The following SERGEF variants were observed in gnomAD, a reference collection of about 807,000 sequenced individuals.
The protein encoded by SERGEF is secretion regulating guanine nucleotide exchange factor, also known as secretion-regulating guanine nucleotide exchange factor.
SERGEF carries 51 observed loss-of-function variants against 50.0 expected under a neutral mutation model. The ratio of observed to expected loss-of-function variants is 1.02; its 90% CI spans 0.81 to 1.29. The LOEUF is 1.29. SERGEF is among the 50% of genes most tolerant of loss of function. The pLI, the probability that SERGEF is intolerant of heterozygous loss-of-function variation, is 0.00. For missense variants in SERGEF, 521 were observed against 557.0 expected (o/e 0.94, Z 0.65); for synonymous variants, 205 against 212.4 (o/e 0.97, Z 0.30).
chr11:17,815,070 C>A (rs1389576487), intron 10 of SERGEF, among the ~76,000 whole-genome samples: 1 of 152,118 alleles, frequency 6.6e-6, no homozygotes, highest in Non-Finnish European at 1.5e-5. Flanking sequence ...GCCTGTAGTT[C>A]TAGCTACTTG....
chr11:17,896,063 CTAAT>C (rs1276801227), intron 9 of SERGEF, among the ~76,000 whole-genome samples: 3 of 152,146 alleles, frequency 2.0e-5, no homozygotes, highest in Non-Finnish European at 4.4e-5. Context: ...CTTAACATCT[CTAAT>C]TATTTCCTTG....
At chr11:17,982,478 T>C (rs1853513761) in intron 8 of SERGEF, among the ~76,000 whole-genome samples, 1 of 152,212 alleles carries the variant, frequency 6.6e-6, no homozygotes, top group South Asian at 2.1e-4. Flanking sequence ...CTCATGGGGT[T>C]TTCAAAATTC....
chr11:17,973,284 C>T (rs1022133315), intron 8 of SERGEF, among the ~76,000 whole-genome samples: 21 of 152,214 alleles, frequency 1.4e-4, no homozygotes, highest in Non-Finnish European at 3.1e-4. Context: ...GGATCAGGGA[C>T]AGACAGAACA....
Position 17,969,702 on chromosome 11 carries a change from C to T in SERGEF, c.845-10066G>A, listed in dbSNP as rs145729773. 4.1e-3 allele frequency among the ~76,000 whole-genome samples: 621 copies of T among 152,278 alleles called. 4 individuals carry two copies. The highest frequency in any genetic ancestry group is 0.011 in the African/African-American group (442 of 41,538). On this transcript the variant is annotated intron_variant, in intron 8 of 10. Transcript: ENST00000265965. Reference sequence around the variant, plus strand: ...GCTTCCCAGTAGACTCTGTCTGCTGCCTGGTGGGGACAGGAAAGAAGGACA... The same window carrying T: ...GCTTCCCAGTAGACTCTGTCTGCTGTCTGGTGGGGACAGGAAAGAAGGACA...
intron 9 of SERGEF, among the ~76,000 whole-genome samples, chr11:17,929,774 T>C (rs1054972462): frequency 6.6e-6 from 1 of 152,190 alleles, no homozygotes; most frequent in African/African-American, 2.4e-5. Flanking sequence ...ATGTTTCCTC[T>C]TCCAAGAGGT....
chr11:17,857,524 C>A (rs963149521), intron 10 of SERGEF, among the ~76,000 whole-genome samples: 3 of 152,194 alleles, frequency 2.0e-5, no homozygotes, highest in Admixed American at 2.0e-4. Context: ...TATTTTTCCC[C>A]CTTCTTGCTA....
At chr11:17,886,665 T>G (rs1345862087) in intron 9 of SERGEF, among the ~76,000 whole-genome samples, 1 of 152,142 alleles carries the variant, frequency 6.6e-6, no homozygotes, top group Non-Finnish European at 1.5e-5. Flanking sequence ...TATAAACAGT[T>G]CATTTCCTTT....
chr11:17,951,915 C>A (rs976045174), intron 9 of SERGEF, among the ~76,000 whole-genome samples: 4 of 152,182 alleles, frequency 2.6e-5, no homozygotes, highest in African/African-American at 9.7e-5. Context: ...CCTGACAGTG[C>A]TGGAAGAACC....
At chr11:17,985,967 G>A (rs1043135563) in intron 8 of SERGEF, among the ~76,000 whole-genome samples, 15 of 152,134 alleles carry the variant, frequency 9.9e-5, no homozygotes, top group African/African-American at 2.9e-4. Context: ...CCCATTAGAC[G>A]CCAATAGTGT....
chr11:17,882,810 G>A (rs765349945), intron 9 of SERGEF, among the ~76,000 whole-genome samples: 2 of 152,186 alleles, frequency 1.3e-5, no homozygotes, highest in Non-Finnish European at 2.9e-5. Context: ...AGCATTAGAA[G>A]GATACAGCAT....
intron 10 of SERGEF, among the ~76,000 whole-genome samples, chr11:17,868,965 G>C (rs1428898268): frequency 2.0e-5 from 3 of 152,016 alleles, no homozygotes; most frequent in Non-Finnish European, 2.9e-5. Context: ...ATTTGGGTAG[G>C]GACACAGCCA....
chr11:17,998,436 CATACATATATATATATATATAT>C lies in SERGEF; in HGVS notation c.508+2039_508+2060del, dbSNP rs1325586377. Among the ~76,000 whole-genome samples the C allele has an allele frequency of 3.4e-3, 159 of 46,278 alleles. 7 individuals carry two copies. The highest frequency in any genetic ancestry group is 0.011 in the African/African-American group (143 of 12,446). 30.4% of individuals were successfully genotyped at this position (46,278 alleles called of 152,430 possible). A position where few individuals can be genotyped will look rare whatever the true frequency, so the allele number is the denominator to read the frequency against. On this transcript the variant is annotated intron_variant, in intron 5 of 10. Transcript: ENST00000265965. ...TATCTTAAAAATACATACATACATACATACATATATATATATATATATATATATATATATATATATATATATA... is the reference window on the plus strand; with the variant it reads ...TATCTTAAAAATACATACATACATACATATATATATATATATATATATATA...
chr11:17,900,980 C>G (rs890294612), intron 9 of SERGEF, among the ~76,000 whole-genome samples: 1 of 152,168 alleles, frequency 6.6e-6, no homozygotes, highest in Non-Finnish European at 1.5e-5. Flanking sequence ...TTCACCTGCA[C>G]CTAAAATTCA....
chr11:17,866,367 G>T (rs547728295), intron 10 of SERGEF, among the ~76,000 whole-genome samples: 10 of 152,212 alleles, frequency 6.6e-5, no homozygotes, highest in Non-Finnish European at 1.5e-4. Context: ...ACAGTAACAT[G>T]CTGTCCAGGT....
At chr11:18,000,428 AAC>A in intron 5 of SERGEF, 67 bp downstream of exon 5, 1 of 1,081,244 alleles carries the variant, frequency 9.2e-7, no homozygotes, top group South Asian at 1.5e-5. Context: ...CAGCCTGGGC[AAC>A]AGAGTGAGAC....
At chr11:17,799,427 G>A (rs1380322836) in intron 10 of SERGEF, among the ~76,000 whole-genome samples, 1 of 152,178 alleles carries the variant, frequency 6.6e-6, no homozygotes, top group Non-Finnish European at 1.5e-5. Context: ...CTTTCAGGTT[G>A]TTTCCATTAA....
chr11:17,873,296 G>C (rs1340578133), intron 10 of SERGEF, among the ~76,000 whole-genome samples: 2 of 152,126 alleles, frequency 1.3e-5, no homozygotes, highest in African/African-American at 4.8e-5. Flanking sequence ...ATTAACCAGA[G>C]TACCAGCTCA....
intron 8 of SERGEF, among the ~76,000 whole-genome samples, chr11:17,973,421 T>C (rs1255161321): frequency 6.6e-6 from 1 of 152,136 alleles, no homozygotes; most frequent in Non-Finnish European, 1.5e-5. Flanking sequence ...AGAAATACTA[T>C]TTGCATCCTT....
chr11:17,812,650 A>G (rs1849896876), intron 10 of SERGEF, among the ~76,000 whole-genome samples: 1 of 152,130 alleles, frequency 6.6e-6, no homozygotes. Flanking sequence ...GTTTGCCTTC[A>G]TCTCTCCAGG....
Sources: allele counts gnomAD v4.1 joint callset (sites outside exome capture counted in the v4.1 genomes callset), GRCh38; gene constraint gnomAD v4.1.1; transcripts MANE v1.5; gene names NCBI Gene and HGNC (gene_info 2026-07-23, HGNC 2026-07-21).